CNTN5: variants seen among roughly 807,000 people sequenced by gnomAD.
CNTN5 encodes contactin-5.
CNTN5 carries 77 observed loss-of-function variants against 129.1 expected under a neutral mutation model. The ratio of observed to expected loss-of-function variants is 0.60; its 90% confidence interval spans 0.50 to 0.72. The LOEUF is 0.72. Among genes scored for constraint, CNTN5 ranks in the 30% least tolerant of loss-of-function variants. The pLI is 0.00. For synonymous variants in CNTN5, 509 were observed against 465.6 expected, an observed-to-expected ratio of 1.09 and a Z score of -1.20; for missense variants, 1,478 against 1,328.8, an observed-to-expected ratio of 1.11 and a Z score of -1.75.
chr11:99,895,609 A>G (rs984866245), intron 6 of CNTN5, among the ~76,000 whole-genome samples: 1 of 152,180 alleles, frequency 6.6e-6, no homozygotes, highest in Non-Finnish European at 1.5e-5. Context: ...CAGAACTGGT[A>G]TGGAGCCGAG....
chr11:99,165,663 T>G (rs1860832696), intron 1 of CNTN5, among the ~76,000 whole-genome samples: 1 of 152,186 alleles, frequency 6.6e-6, no homozygotes, highest in African/African-American at 2.4e-5. Flanking sequence ...ACTTCTTTGC[T>G]CAATTATTTT....
At chr11:99,100,736 A>C (rs1397997617) in intron 1 of CNTN5, among the ~76,000 whole-genome samples, 3 of 152,166 alleles carry the variant, frequency 2.0e-5, no homozygotes. Flanking sequence ...ATATATTCAA[A>C]TAAAATTTAA....
chr11:99,751,934 A>G (rs573896404), intron 3 of CNTN5, among the ~76,000 whole-genome samples: 30 of 152,292 alleles, frequency 2.0e-4, no homozygotes, highest in Admixed American at 1.3e-4. Flanking sequence ...ATGTGAGGAC[A>G]CAACATTCAT....
chr11:99,887,003 T>C (rs879899635), intron 6 of CNTN5, among the ~76,000 whole-genome samples: 2 of 152,212 alleles, frequency 1.3e-5, no homozygotes, highest in Non-Finnish European at 2.9e-5. Context: ...ATTATACTAG[T>C]CAGGTTCTGT....
chr11:99,474,042 T>G (rs2135285113), intron 2 of CNTN5, among the ~76,000 whole-genome samples: 1 of 152,128 alleles, frequency 6.6e-6, no homozygotes, highest in South Asian at 2.1e-4. Flanking sequence ...TGAGTAGTAA[T>G]ATACTCTTTA....
intron 13 of CNTN5, among the ~76,000 whole-genome samples, chr11:100,166,958 G>A (rs1031836724): frequency 1.3e-5 from 2 of 151,742 alleles, no homozygotes; most frequent in Non-Finnish European, 2.9e-5. Flanking sequence ...TAAGTGAAAT[G>A]ACTTACTTAA....
At chr11:99,609,974 C>T (rs532844993) in intron 3 of CNTN5, among the ~76,000 whole-genome samples, 1 of 152,052 alleles carries the variant, frequency 6.6e-6, no homozygotes, top group Non-Finnish European at 1.5e-5. Flanking sequence ...ACATGTGTTA[C>T]CTTATTCAAT....
At chr11:100,079,300 T>A (rs960561068) in intron 13 of CNTN5, among the ~76,000 whole-genome samples, 1 of 152,180 alleles carries the variant, frequency 6.6e-6, no homozygotes, top group Non-Finnish European at 1.5e-5. Flanking sequence ...ATGCTTACCA[T>A]TCTCCTTTCT....
chr11:99,896,179 T>G lies in CNTN5; in HGVS notation c.578-19875T>G, dbSNP rs115542493. Among the ~76,000 whole-genome samples the G allele has an allele frequency of 7.7e-3, 1,179 of 152,222 alleles. 13 individuals carry two copies. Among genetic ancestry groups the G allele is most frequent in the African/African-American group, 0.025 (1,048 of 41,544 alleles). On this transcript the variant is annotated intron_variant, in intron 6 of 24. Transcript: ENST00000524871. ...GGACCTCCAGTATGGATGTCATAGC[T>G]GACATATGGAGGAATAGTGGTAGGC...
intron 21 of CNTN5, among the ~76,000 whole-genome samples, chr11:100,325,581 T>C (rs1217094460): frequency 6.6e-6 from 1 of 152,186 alleles, no homozygotes; most frequent in East Asian, 1.9e-4. Flanking sequence ...CTCTGGCCCT[T>C]TATCTTTTCT....
chr11:99,489,529 A>G (rs1469849108), intron 2 of CNTN5, among the ~76,000 whole-genome samples: 2 of 152,164 alleles, frequency 1.3e-5, no homozygotes, highest in Admixed American at 1.3e-4. Context: ...GAATCTCAGC[A>G]TTGCTTTATT....
At chr11:99,631,522 C>T (rs139759103) in intron 3 of CNTN5, among the ~76,000 whole-genome samples, 1 of 151,872 alleles carries the variant, frequency 6.6e-6, no homozygotes. Flanking sequence ...TTATTATAGA[C>T]TAAAGTTTAT....
intron 1 of CNTN5, among the ~76,000 whole-genome samples, chr11:99,224,668 T>TTG: frequency 6.8e-6 from 1 of 146,884 alleles, no homozygotes; most frequent in East Asian, 2.0e-4. Context: ...TTTTTTTTTT[T>TTG]TTTTTTTTTG....
chr11:99,031,219 A>G (rs1390860259), intron 1 of CNTN5, among the ~76,000 whole-genome samples: 1 of 152,150 alleles, frequency 6.6e-6, no homozygotes, highest in African/African-American at 2.4e-5. Context: ...TTTTCCAAAA[A>G]TGACATCTAG....
chr11:100,240,714 A>ACAAAT (rs1186305573), intron 16 of CNTN5, among the ~76,000 whole-genome samples: 2 of 152,234 alleles, frequency 1.3e-5, no homozygotes, highest in African/African-American at 4.8e-5. Context: ...TAAAGCAAGT[A>ACAAAT]CAAATTTATA....
chr11:100,259,197 G>A (rs1304199455), intron 17 of CNTN5, among the ~76,000 whole-genome samples: 2 of 152,148 alleles, frequency 1.3e-5, no homozygotes, highest in African/African-American at 4.8e-5. Flanking sequence ...AAAAGACAAA[G>A]AAGGGTATTA....
At chr11:99,872,539 C>A (rs943862923) in intron 6 of CNTN5, among the ~76,000 whole-genome samples, 1 of 151,906 alleles carries the variant, frequency 6.6e-6, no homozygotes, top group African/African-American at 2.4e-5. Flanking sequence ...TTGAAGATAC[C>A]CTGCAGAAGA....
chr11:99,630,368 A>C (rs1017163946), intron 3 of CNTN5, among the ~76,000 whole-genome samples: 1 of 151,976 alleles, frequency 6.6e-6, no homozygotes, highest in African/African-American at 2.4e-5. Flanking sequence ...AGGGTTTATA[A>C]GGAGACTTTC....
intron 1 of CNTN5, among the ~76,000 whole-genome samples, chr11:99,046,474 T>C (rs1287299676): frequency 2.0e-5 from 3 of 152,196 alleles, no homozygotes; most frequent in African/African-American, 4.8e-5. Flanking sequence ...AGTCCTTTTC[T>C]TGAAAAATAT....
Sources: allele counts gnomAD v4.1 joint callset (sites outside exome capture counted in the v4.1 genomes callset), GRCh38; gene constraint gnomAD v4.1.1; transcripts MANE v1.5; gene names NCBI Gene and HGNC (gene_info 2026-07-23, HGNC 2026-07-21).